Variants in SCAPER observed in about 807,000 individuals in gnomAD.
SCAPER encodes S phase cyclin A-associated protein in the endoplasmic reticulum.
Under a neutral mutation model 182.2 loss-of-function variants are expected in SCAPER, and 98 were observed. The ratio of observed to expected loss-of-function variants is 0.54; its 90% CI spans 0.46 to 0.64. The LOEUF (loss-of-function observed/expected upper bound fraction) is 0.64. Ranked by LOEUF, SCAPER falls within the 30% of genes least tolerant of loss-of-function variation. The pLI is 0.00. For synonymous variants in SCAPER, 605 were observed against 564.6 expected, an observed-to-expected ratio of 1.07 and a Z score of -1.01; for missense variants, 1,432 against 1,690.0, an observed-to-expected ratio of 0.85 and a Z score of 2.68.
intron 20 of SCAPER, among the ~76,000 whole-genome samples, chr15:76,675,331 T>A (rs2057305283): frequency 6.6e-6 from 1 of 152,228 alleles, no homozygotes; most frequent in South Asian, 2.1e-4. Flanking sequence ...TTGTGCACTA[T>A]TCAAGTGCTG....
chr15:76,674,115 G>T (rs2057220002), intron 20 of SCAPER, among the ~76,000 whole-genome samples: 1 of 152,020 alleles, frequency 6.6e-6, no homozygotes, highest in African/African-American at 2.4e-5. Flanking sequence ...CCAAATAGTA[G>T]ATGAGGGAAC....
intron 8 of SCAPER, among the ~76,000 whole-genome samples, chr15:76,778,462 T>C (rs147566490): frequency 5.3e-4 from 80 of 152,154 alleles, no homozygotes; most frequent in African/African-American, 1.8e-3. Flanking sequence ...AAAAAAACTT[T>C]CAAGTACCCC....
intron 16 of SCAPER, among the ~76,000 whole-genome samples, chr15:76,730,023 T>G (rs2060826468): frequency 6.6e-6 from 1 of 152,112 alleles, no homozygotes; most frequent in African/African-American, 2.4e-5. Flanking sequence ...TACTTCACCT[T>G]AAAGAGCCTC....
intron 17 of SCAPER, among the ~76,000 whole-genome samples, chr15:76,725,983 A>G (rs916977425): frequency 6.6e-6 from 1 of 150,600 alleles, no homozygotes; most frequent in African/African-American, 2.4e-5. Context: ...AAACAACAAC[A>G]ACAAAAATAG....
At chr15:76,809,623 A>C (rs1300045429) in intron 5 of SCAPER, among the ~76,000 whole-genome samples, 1 of 152,204 alleles carries the variant, frequency 6.6e-6, no homozygotes, top group East Asian at 1.9e-4. Context: ...AGCAGCATGA[A>C]GCAGAAGTAA....
At chr15:76,649,632 A>G (rs573815201) in intron 21 of SCAPER, among the ~76,000 whole-genome samples, 1 of 150,980 alleles carries the variant, frequency 6.6e-6, no homozygotes, top group South Asian at 2.1e-4. Flanking sequence ...AAAAATAAGA[A>G]ACATCAGATA....
At chr15:76,831,205 T>C (rs1410504467) in intron 5 of SCAPER, among the ~76,000 whole-genome samples, 1 of 152,138 alleles carries the variant, frequency 6.6e-6, no homozygotes, top group Non-Finnish European at 1.5e-5. Flanking sequence ...TTGGCCTTTC[T>C]TAGCTGCCAG....
chr15:76,658,070 T>C (rs1374045429), intron 21 of SCAPER, among the ~76,000 whole-genome samples: 4 of 151,964 alleles, frequency 2.6e-5, no homozygotes, highest in Non-Finnish European at 5.9e-5. Flanking sequence ...ACCAGAGCAA[T>C]CAGGCAAAAT....
At chr15:76,735,348 G>C (rs2151072201) in intron 15 of SCAPER, among the ~76,000 whole-genome samples, 1 of 152,026 alleles carries the variant, frequency 6.6e-6, no homozygotes, top group Admixed American at 6.5e-5. Context: ...ACTCCAGTTT[G>C]GGCAACAGAG....
chr15:76,729,422 G>A (rs558806076), intron 16 of SCAPER, among the ~76,000 whole-genome samples: 140 of 151,728 alleles, frequency 9.2e-4, no homozygotes, highest in African/African-American at 3.0e-3. Flanking sequence ...CTAAAGCCTT[G>A]TGTTAATATA....
intron 4 of SCAPER, among the ~76,000 whole-genome samples, chr15:76,853,094 C>A (rs2070932078): frequency 2.0e-5 from 3 of 152,128 alleles, no homozygotes; most frequent in Admixed American, 6.6e-5. Flanking sequence ...TGGATAAATT[C>A]CTGGACACAT....
At chr15:76,592,036 G>A (rs972948623) in intron 22 of SCAPER, among the ~76,000 whole-genome samples, 1 of 151,974 alleles carries the variant, frequency 6.6e-6, no homozygotes, top group African/African-American at 2.4e-5. Flanking sequence ...CACTACCCTC[G>A]GCAACAGAGT....
chr15:76,678,007 A>G (rs2057466548), intron 20 of SCAPER, among the ~76,000 whole-genome samples: 1 of 152,086 alleles, frequency 6.6e-6, no homozygotes, highest in African/African-American at 2.4e-5. Flanking sequence ...TGTTGTCTCA[A>G]ACACATTCCA....
At chr15:76,419,928 G>A (rs542198390) in intron 26 of SCAPER, among the ~76,000 whole-genome samples, 13 of 152,192 alleles carry the variant, frequency 8.5e-5, no homozygotes, top group African/African-American at 2.6e-4. Context: ...ACATTAAAAA[G>A]ATCATTCACT....
chr15:76,687,354 A>G (rs1344569848), intron 20 of SCAPER, among the ~76,000 whole-genome samples: 1 of 152,194 alleles, frequency 6.6e-6, no homozygotes, highest in Non-Finnish European at 1.5e-5. Context: ...CTCAAAGTGG[A>G]ACTTATATAA....
At chr15:76,713,635 G>C (rs7495566) in intron 17 of SCAPER, among the ~76,000 whole-genome samples, 57,805 of 151,406 alleles carry the variant, frequency 0.38, 13,030 homozygotes, top group Middle Eastern at 0.53. Context: ...GTTGTGGGGT[G>C]GGGGGAGAGG....
At chr15:76,430,877 C>G (rs554322976) in intron 26 of SCAPER, among the ~76,000 whole-genome samples, 4 of 152,234 alleles carry the variant, frequency 2.6e-5, no homozygotes, top group Admixed American at 2.6e-4. Context: ...TTGGCTGCAT[C>G]CCCACCCAAA....
chr15:76,840,827 T>G (rs3099134), intron 5 of SCAPER, among the ~76,000 whole-genome samples: 20,473 of 152,228 alleles, frequency 0.13, 1,416 homozygotes, highest in African/African-American at 0.17. Context: ...ATAGAGACAC[T>G]CTACACCATG....
rs750986835 is a variant in SCAPER, at chr15:76,774,845, A to T, written c.1035+10T>A. 6.3e-7 allele frequency: 1 copy of T among 1,599,836 alleles called. No individual in the cohort carries two copies. On this transcript the variant is annotated intron_variant, in intron 9 of 31. Transcript: ENST00000563290. The stretch of plus-strand genomic sequence containing the variant: ...AAAAAGACAGTAAAAGGATTTTCAG[A>T]ATGTACTACCTGGGTTTTTTCGGCA...
Sources: allele counts gnomAD v4.1 joint callset (sites outside exome capture counted in the v4.1 genomes callset), GRCh38; gene constraint gnomAD v4.1.1; transcripts MANE v1.5; gene names NCBI Gene and HGNC (gene_info 2026-07-23, HGNC 2026-07-21).